The following ERCC6L2 variants were observed in gnomAD, a reference collection of about 807,000 sequenced individuals.
The protein encoded by ERCC6L2 is DNA excision repair protein ERCC-6-like 2.
Under a neutral mutation model 132.0 loss-of-function variants are expected in ERCC6L2, and 77 were observed. That is an observed-to-expected ratio of 0.58 (90% confidence interval 0.49 to 0.71). The LOEUF is 0.71. ERCC6L2 is among the 30% of genes least tolerant of loss of function. The pLI is 0.00. For synonymous variants in ERCC6L2, 583 were observed against 632.4 expected (o/e 0.92, Z 1.17); for missense variants, 1,542 against 1,837.6 (o/e 0.84, Z 2.94).
Position 96,012,818 on chromosome 9 carries a change from A to G in ERCC6L2, c.4268A>G (p.Lys1423Arg), listed in dbSNP as rs1198845144. 3.7e-6 allele frequency: 5 copies of G among 1,367,586 alleles called. No homozygotes were observed. In the East Asian group the frequency reaches 1.4e-4, roughly 37 times the overall value. The allele number at this position is 1,367,586 out of a possible 1,614,324, so 84.7% of individuals were successfully genotyped here. The change falls in exon 19 of 19, where the codon AAA becomes AGA. Residue 1423 changes from lysine to arginine, a missense_variant. Around this residue, in one of 4 missense-constraint regions of ERCC6L2, gnomAD observed 442 missense variants for 583.4 expected, o/e 0.76. Coordinates refer to ENST00000653738, the MANE Select transcript of ERCC6L2 (RefSeq NM_020207.7). ...GAACCCCTTCTCAAATTGGAAAACA[A>G]AAAGATAGAAAATCCAGTGCTGGAA... The part of the protein sequence containing the change: ...RKEPLLKLEN[K>R]KIENPVLENT...
chr9:96,020,753 C>T (rs1834272403), downstream of ERCC6L2: 1 of 456,600 alleles, frequency 2.2e-6, no homozygotes, highest in African/African-American at 2.0e-5. Context: ...AGGCCACTTC[C>T]AAACTGTGGG....
At chr9:95,917,270 T>A (rs2176026) in intron 6 of ERCC6L2, among the ~76,000 whole-genome samples, 1 of 151,972 alleles carries the variant, frequency 6.6e-6, no homozygotes, top group African/African-American at 2.4e-5. Flanking sequence ...ATATGAGGAG[T>A]GGACTTCAAG....
intron 18 of ERCC6L2, among the ~76,000 whole-genome samples, chr9:96,007,525 A>T (rs1195569502): frequency 6.6e-6 from 1 of 152,222 alleles, no homozygotes; most frequent in Non-Finnish European, 1.5e-5. Context: ...TAAATGTTAA[A>T]GAGGGGAAGG....
chr9:95,916,248 G>C lies in ERCC6L2; in HGVS notation c.972G>C (p.Gly324=). Residue 324 remains glycine (G), a synonymous_variant, in exon 6 of 19, where the codon GGG becomes GGC. Transcript: ENST00000653738. ...AAAGGGCTGTGCCAGGCCTTTTAGG[G>C]AGTGGGACCTACTTCAAGAAGCAGT... ...VMDWAVPGLL[G]SGTYFKKQFS... is the part of the protein sequence containing the mutation. 2 of 1,614,060 alleles carry C rather than the reference G, an allele frequency of 1.2e-6. No homozygotes were observed. The highest frequency in any genetic ancestry group is 1.1e-5 in the South Asian group (1 of 91,060).
rs373503748 is a variant in ERCC6L2, at chr9:95,928,068, T to C, written c.1534-11T>C. 3 of 1,606,560 alleles carry C rather than the reference T, an allele frequency of 1.9e-6. No individual in the cohort carries two copies. In the African/African-American group the frequency reaches 4.0e-5, roughly 21 times the overall value. On this transcript the variant is annotated splice_polypyrimidine_tract_variant and intron_variant, in intron 9 of 18. Transcript: ENST00000653738. ...GAACTGGTTCACTGATTTTCTGTGG[T>C]TCATTTTCAGGTCCTTCAGCAGCTT... is the stretch of plus-strand genomic sequence containing the variant.
intron 2 of ERCC6L2, among the ~76,000 whole-genome samples, chr9:95,885,020 T>C (rs1035994256): frequency 3.3e-5 from 5 of 152,208 alleles, no homozygotes; most frequent in African/African-American, 7.2e-5. Context: ...TGCCCACATA[T>C]ACATGTACTT....
At chr9:96,004,492 T>C (rs1168020869) in intron 17 of ERCC6L2, 28 bp from the exon 18 acceptor site, 3 of 1,255,090 alleles carry the variant, frequency 2.4e-6, no homozygotes, top group South Asian at 1.3e-5. Context: ...TTTTCAGACA[T>C]AGCTTTTGTT....
chr9:95,888,178 T>A (rs1827976774), intron 2 of ERCC6L2, among the ~76,000 whole-genome samples: 1 of 151,574 alleles, frequency 6.6e-6, no homozygotes, highest in Admixed American at 6.6e-5. Flanking sequence ...GTAGTAAACA[T>A]TTTTTTCTTT....
chr9:95,997,213 C>T (rs1186435962), intron 17 of ERCC6L2, among the ~76,000 whole-genome samples: 1 of 152,182 alleles, frequency 6.6e-6, no homozygotes, highest in African/African-American at 2.4e-5. Context: ...ATCTTTGATT[C>T]ATGGGAGCAT....
At chr9:95,960,555 T>G (rs1027486232) in intron 13 of ERCC6L2, among the ~76,000 whole-genome samples, 1 of 152,074 alleles carries the variant, frequency 6.6e-6, no homozygotes, top group African/African-American at 2.4e-5. Flanking sequence ...AGGCATTGAT[T>G]GGAGTGGTGT....
chr9:96,035,021 G>A (rs1038547126), intron 19 of ERCC6L2, among the ~76,000 whole-genome samples: 1 of 152,154 alleles, frequency 6.6e-6, no homozygotes, highest in African/African-American at 2.4e-5. Context: ...TCTGTAGCCT[G>A]CACCCTTGGG....
intron 6 of ERCC6L2, among the ~76,000 whole-genome samples, chr9:95,916,984 C>T (rs1160741751): frequency 6.6e-6 from 1 of 152,104 alleles, no homozygotes; most frequent in Non-Finnish European, 1.5e-5. Context: ...CGTGCCTGGC[C>T]TCATCAAAAC....
intron 19 of ERCC6L2, among the ~76,000 whole-genome samples, chr9:96,030,916 G>A (rs1834451153): frequency 6.6e-6 from 1 of 152,112 alleles, no homozygotes. Flanking sequence ...TGAAGCCTTT[G>A]CCCAGGCTTT....
intron 13 of ERCC6L2, among the ~76,000 whole-genome samples, chr9:95,959,368 C>G (rs1564263575): frequency 6.6e-6 from 1 of 151,784 alleles, no homozygotes; most frequent in Non-Finnish European, 1.5e-5. Flanking sequence ...ACACCTTATA[C>G]AAAAATTAAT....
rs1051162890 is a variant in ERCC6L2 at position 95,880,946 on chromosome 9, A to G, written c.124A>G (p.Ile42Val). 4 of 1,613,914 alleles carry G rather than the reference A, an allele frequency of 2.5e-6. No individual in the cohort carries two copies. Among genetic ancestry groups the G allele is most frequent in the African/African-American group, 1.3e-5 (1 of 74,918 alleles). ...GKLCEASIKS[I>V]TVDENGKSFA... ...ACTTTGTGAAGCAAGCATAAAATCT[A>G]TCACAGTGGATGAAAATGGCAAGTC... Residue 42 changes from isoleucine to valine, a missense_variant, in exon 2 of 19, where the codon ATC (isoleucine) becomes GTC (valine). By Grantham distance (29) the Ile-to-Val change is conservative (BLOSUM62 3). This residue lies in a region of ERCC6L2 where 153 missense variants were observed against 132.3 expected (regional missense o/e 1.16). Transcript: ENST00000653738.
intron 12 of ERCC6L2, among the ~76,000 whole-genome samples, chr9:95,941,952 C>CT (rs1169119922): frequency 6.6e-6 from 1 of 152,114 alleles, no homozygotes; most frequent in Non-Finnish European, 1.5e-5. Flanking sequence ...TAAGCATGGG[C>CT]TTGCAACTAC....
At chr9:95,924,713 T>C (rs1026913978) in intron 9 of ERCC6L2, among the ~76,000 whole-genome samples, 1 of 152,164 alleles carries the variant, frequency 6.6e-6, no homozygotes, top group South Asian at 2.1e-4. Flanking sequence ...TTGTAAAATA[T>C]ACTTTTAAAG....
intron 8 of ERCC6L2, among the ~76,000 whole-genome samples, chr9:95,922,852 C>G: frequency 6.6e-6 from 1 of 152,024 alleles, no homozygotes; most frequent in East Asian, 1.9e-4. Context: ...TGGTTGTTTC[C>G]TTTTATTCTA....
intron 12 of ERCC6L2, among the ~76,000 whole-genome samples, chr9:95,949,358 C>T (rs974508253): frequency 5.3e-5 from 8 of 152,040 alleles, no homozygotes; most frequent in Non-Finnish European, 1.0e-4. Flanking sequence ...AGAAGATCAA[C>T]CAAGTCCAGA....
Sources: allele counts gnomAD v4.1 joint callset (sites outside exome capture counted in the v4.1 genomes callset), GRCh38; gene constraint gnomAD v4.1.1; regional missense constraint gnomAD v4.1.1; transcripts MANE v1.5; gene names NCBI Gene and HGNC (gene_info 2026-07-23, HGNC 2026-07-21).